The following SDK1 variants were observed in gnomAD, a reference collection of about 807,000 sequenced individuals.
SDK1 encodes protein sidekick-1.
Under a neutral mutation model 245.5 loss-of-function variants are expected in SDK1, and 157 were observed. The ratio of observed to expected loss-of-function variants is 0.64; its 90% CI spans 0.56 to 0.73. The LOEUF is 0.73. Among genes scored for constraint, SDK1 ranks in the 30% least tolerant of loss-of-function variants. The probability of loss-of-function intolerance (pLI) is 0.00; values close to 1 mark genes in which losing one functional copy is unlikely to be tolerated. For synonymous variants in SDK1, 1,647 were observed against 1,278.5 expected, an observed-to-expected ratio of 1.29 and a Z score of -6.15; for missense variants, 3,583 against 3,002.3, an observed-to-expected ratio of 1.19 and a Z score of -4.52.
intron 1 of SDK1, among the ~76,000 whole-genome samples, chr7:3,495,970 T>C (rs1782013101): frequency 6.6e-6 from 1 of 152,232 alleles, no homozygotes; most frequent in African/African-American, 2.4e-5. Context: ...AACTAGAACA[T>C]ACTTATCTTT....
intron 1 of SDK1, among the ~76,000 whole-genome samples, chr7:3,498,846 T>C (rs1782105237): frequency 6.6e-6 from 1 of 152,136 alleles, no homozygotes; most frequent in Non-Finnish European, 1.5e-5. Context: ...CTGAAGTCTC[T>C]TTTTTGGGCT....
intron 17 of SDK1, among the ~76,000 whole-genome samples, chr7:4,040,221 G>A (rs1788520417): frequency 1.3e-5 from 2 of 152,082 alleles, no homozygotes; most frequent in South Asian, 4.2e-4. Flanking sequence ...GAATCTGATT[G>A]GATCCTGCTT....
intron 2 of SDK1, among the ~76,000 whole-genome samples, chr7:3,621,074 T>G (rs1303097378): frequency 6.6e-6 from 1 of 152,102 alleles, no homozygotes; most frequent in African/African-American, 2.4e-5. Flanking sequence ...GACGTAAGCG[T>G]TTGCAAAATG....
intron 1 of SDK1, among the ~76,000 whole-genome samples, chr7:3,351,431 A>G (rs35467252): frequency 0.38 from 58,421 of 151,914 alleles, 11,456 homozygotes; most frequent in African/African-American, 0.46. Context: ...GCACACAATA[A>G]CATGATAGCT....
chr7:4,161,728 A>G, intron 31 of SDK1, 58 bp from the exon 32 acceptor site: 5 of 1,437,210 alleles, frequency 3.5e-6, no homozygotes, highest in Non-Finnish European at 4.9e-6. Context: ...GGCCCTGGGA[A>G]GGGCGGCAGA....
In SDK1 at chr7:3,682,228, G is replaced by A. The variant is rs146152027; in HGVS notation, c.713+40123G>A. On this transcript the variant is annotated intron_variant, in intron 4 of 44. Transcript: ENST00000404826. ...ATACCCATTTCACAGATGATATTAT[G>A]GAGGCACCAGAAAATGGGACTCTCA... Among the ~76,000 whole-genome samples, 77 of 152,294 alleles carry A rather than the reference G, an allele frequency of 5.1e-4. 1 individual carries two copies. Among genetic ancestry groups the A allele is most frequent in the African/African-American group, 1.7e-3 (70 of 41,570 alleles).
chr7:3,881,295 G>C, intron 5 of SDK1, among the ~76,000 whole-genome samples: 1 of 151,750 alleles, frequency 6.6e-6, no homozygotes, highest in Non-Finnish European at 1.5e-5. Context: ...TTGTTCCCCC[G>C]CCATGTGTCC....
chr7:3,391,418 A>C (rs6967281), intron 1 of SDK1, among the ~76,000 whole-genome samples: 115,086 of 151,928 alleles, frequency 0.76, 43,910 homozygotes, highest in South Asian at 0.84. Flanking sequence ...CCTCATCTTA[A>C]GGAATAGAGT....
intron 1 of SDK1, among the ~76,000 whole-genome samples, chr7:3,366,197 A>G (rs2128561940): frequency 6.6e-6 from 1 of 152,366 alleles, no homozygotes; most frequent in South Asian, 2.1e-4. Context: ...TTAAATAAAA[A>G]GTTCTACATA....
At chr7:4,249,949 G>A (rs1787183161) in intron 44 of SDK1, among the ~76,000 whole-genome samples, 1 of 152,150 alleles carries the variant, frequency 6.6e-6, no homozygotes, top group Admixed American at 6.5e-5. Context: ...ACAGAGTTGT[G>A]CAGCCATCAC....
At chr7:3,581,255 CAAAA>C (rs35166755) in intron 1 of SDK1, among the ~76,000 whole-genome samples, 15 of 151,586 alleles carry the variant, frequency 9.9e-5, no homozygotes, top group African/African-American at 3.2e-4. Flanking sequence ...CTTAAATTTA[CAAAA>C]AAAACCTATT....
intron 2 of SDK1, 21 bp downstream of exon 2, chr7:3,619,260 A>G: frequency 6.3e-7 from 1 of 1,588,450 alleles, no homozygotes; most frequent in Non-Finnish European, 8.6e-7. Flanking sequence ...GCTTGAAAAA[A>G]TAAGATCCCA....
At chr7:3,549,856 C>T (rs1268330372) in intron 1 of SDK1, among the ~76,000 whole-genome samples, 1 of 151,826 alleles carries the variant, frequency 6.6e-6, no homozygotes, top group African/African-American at 2.4e-5. Context: ...TTCCCATAGG[C>T]ATAGGCCGAC....
At chr7:3,439,751 A>T (rs1233830209) in intron 1 of SDK1, among the ~76,000 whole-genome samples, 4 of 152,362 alleles carry the variant, frequency 2.6e-5, no homozygotes, top group Non-Finnish European at 5.9e-5. Flanking sequence ...ATTTAGCTTT[A>T]TGATCATGAT....
intron 1 of SDK1, among the ~76,000 whole-genome samples, chr7:3,430,760 G>T (rs1026860599): frequency 6.6e-6 from 1 of 152,212 alleles, no homozygotes; most frequent in East Asian, 1.9e-4. Flanking sequence ...TGCCCTGGGG[G>T]CCGAATCCTG....
intron 1 of SDK1, among the ~76,000 whole-genome samples, chr7:3,352,454 G>A (rs1034944228): frequency 1.1e-4 from 17 of 152,134 alleles, no homozygotes; most frequent in African/African-American, 4.1e-4. Flanking sequence ...TGGATTTACT[G>A]AAAACACGAG....
chr7:3,533,290 G>A (rs1319518880), intron 1 of SDK1, among the ~76,000 whole-genome samples: 1 of 152,144 alleles, frequency 6.6e-6, no homozygotes, highest in East Asian at 1.9e-4. Context: ...AAGGCTGAAG[G>A]ATGTGAGCTC....
At chr7:4,039,402 A>C (rs1041551698) in intron 17 of SDK1, among the ~76,000 whole-genome samples, 1 of 152,144 alleles carries the variant, frequency 6.6e-6, no homozygotes, top group Non-Finnish European at 1.5e-5. Context: ...ATATATACAT[A>C]TTTAAATATA....
At chr7:3,819,442 G>A (rs561080910) in intron 4 of SDK1, among the ~76,000 whole-genome samples, 1 of 151,910 alleles carries the variant, frequency 6.6e-6, no homozygotes, top group East Asian at 1.9e-4. Context: ...GAAACAATAG[G>A]CATATTTGAA....
Sources: gnomAD v4.1 joint callset for allele counts (sites outside exome capture counted in the v4.1 genomes callset) on GRCh38, gnomAD v4.1.1 for gene constraint, MANE v1.5 for transcripts, NCBI Gene and HGNC (gene_info 2026-07-23, HGNC 2026-07-21) for gene names.